LYN: variants seen among roughly 807,000 people sequenced by gnomAD.
The protein encoded by LYN is tyrosine-protein kinase Lyn.
A neutral mutation model predicts 65.0 loss-of-function variants in LYN; 12 were observed. The ratio of observed to expected loss-of-function variants is 0.18; its 90% confidence interval spans 0.12 to 0.30. The LOEUF (loss-of-function observed/expected upper bound fraction) is 0.30. LYN is among the 10% of genes least tolerant of loss of function. The pLI, the probability that LYN is intolerant of heterozygous loss-of-function variation, is 1.00. For missense variants in LYN, 380 were observed against 623.2 expected, an observed-to-expected ratio of 0.61 and a Z score of 4.16; for synonymous variants, 222 against 221.2, an observed-to-expected ratio of 1.00 and a Z score of -0.03.
chr8:55,957,887 G>T (rs910377086), intron 8 of LYN, among the ~76,000 whole-genome samples: 1 of 152,138 alleles, frequency 6.6e-6, no homozygotes, highest in Non-Finnish European at 1.5e-5. Flanking sequence ...GGCAGAGGTT[G>T]CAGTGAGCTG....
At chr8:55,933,399 C>T (rs140609013) in intron 1 of LYN, among the ~76,000 whole-genome samples, 49 of 152,308 alleles carry the variant, frequency 3.2e-4, no homozygotes, top group African/African-American at 1.0e-3. Context: ...ATATGGTATT[C>T]CAAACAGTCC....
chr8:55,879,989 T>TC lies in LYN; in HGVS notation c.-117dup. On this transcript the variant is annotated 5_prime_UTR_variant, in exon 1 of 13. Transcript: ENST00000519728. ...CAGCCCCTCGCCGCGCGTCCAGCGT[T>TC]CCCGGCCAGCAGCCTCCCCATACGC... The TC allele has an allele frequency of 3.6e-6, 1 of 280,978 alleles. No individual in the cohort carries two copies. Among genetic ancestry groups the TC allele is most frequent in the South Asian group, 2.9e-5 (1 of 33,906 alleles). 17.4% of individuals were successfully genotyped at this position (280,978 alleles called of 1,614,324 possible).
chr8:55,941,295 TC>T (rs1221885006), intron 1 of LYN, among the ~76,000 whole-genome samples: 9 of 152,162 alleles, frequency 5.9e-5, no homozygotes, highest in Non-Finnish European at 1.3e-4. Context: ...CTCCTGACCT[TC>T]CCTACCTGCT....
Position 56,009,995 on chromosome 8 carries a change from T to C in LYN, c.1424T>C (p.Ile475Thr). ...VENCPDELYDIMKMCWKEKAE... is the reference protein window; with the variant it reads ...VENCPDELYDTMKMCWKEKAE... ...AACTGCCCAGATGAGCTCTATGACA[T>C]TATGAAAATGTGCTGGAAAGAAAAG... The change falls in exon 13 of 13, where the codon ATT becomes ACT. Residue 475 changes from isoleucine to threonine, a missense_variant. This residue lies in a region of LYN where 223 missense variants were observed against 430.0 expected (regional missense o/e 0.52). Coordinates refer to ENST00000519728, the MANE Select transcript of LYN (RefSeq NM_002350.4). 6.2e-7 allele frequency: 1 copy of C among 1,613,968 alleles called. No individual in the cohort carries two copies. The highest frequency in any genetic ancestry group is 8.5e-7 in the Non-Finnish European group (1 of 1,179,938).
intron 1 of LYN, 41 bp downstream of exon 1, chr8:55,880,144 C>A (rs1418344155): frequency 8.6e-6 from 2 of 231,300 alleles, no homozygotes; most frequent in Non-Finnish European, 8.6e-6. Context: ...CGCGGGCACG[C>A]GGGCAGTGGG....
At chr8:55,980,925 T>C (rs1203582622) in intron 10 of LYN, among the ~76,000 whole-genome samples, 1 of 152,190 alleles carries the variant, frequency 6.6e-6, no homozygotes, top group Non-Finnish European at 1.5e-5. Flanking sequence ...GCCCACTCAA[T>C]GCCAGCTCCC....
chr8:55,972,260 C>T (rs1213873653), intron 10 of LYN, among the ~76,000 whole-genome samples: 1 of 152,152 alleles, frequency 6.6e-6, no homozygotes, highest in Non-Finnish European at 1.5e-5. Context: ...TACAACTAAG[C>T]ACTGGCTCCA....
At chr8:56,005,974 A>G (rs1020616998) in intron 12 of LYN, among the ~76,000 whole-genome samples, 10 of 151,884 alleles carry the variant, frequency 6.6e-5, no homozygotes, top group African/African-American at 2.4e-4. Context: ...AGTCTCAGCA[A>G]CTCAGGAGGC....
At chr8:56,008,766 G>T (rs1473308318) in intron 12 of LYN, among the ~76,000 whole-genome samples, 2 of 152,184 alleles carry the variant, frequency 1.3e-5, no homozygotes, top group Non-Finnish European at 2.9e-5. Flanking sequence ...TCAGGAATAT[G>T]CAAATCCAGA....
intron 10 of LYN, among the ~76,000 whole-genome samples, chr8:55,987,598 T>C (rs1808115043): frequency 6.6e-6 from 1 of 152,060 alleles, no homozygotes; most frequent in African/African-American, 2.4e-5. Flanking sequence ...TGTATTTTAG[T>C]GGAGACAGGG....
intron 1 of LYN, among the ~76,000 whole-genome samples, chr8:55,882,573 G>C (rs535934694): frequency 7.9e-5 from 12 of 152,220 alleles, no homozygotes; most frequent in Non-Finnish European, 1.6e-4. Flanking sequence ...GCATGGATGA[G>C]TGTTAACATT....
intron 1 of LYN, among the ~76,000 whole-genome samples, chr8:55,922,922 T>A (rs1805987878): frequency 6.6e-6 from 1 of 151,804 alleles, no homozygotes; most frequent in Non-Finnish European, 1.5e-5. Flanking sequence ...TTAGGTAGGG[T>A]TTAGTAGAGA....
intron 1 of LYN, among the ~76,000 whole-genome samples, chr8:55,882,252 G>A (rs1804672379): frequency 6.6e-6 from 1 of 152,162 alleles, no homozygotes; most frequent in African/African-American, 2.4e-5. Flanking sequence ...GTGTTACAAA[G>A]GTAGGTCGAA....
chr8:55,916,492 C>T (rs1805783462), intron 1 of LYN, among the ~76,000 whole-genome samples: 2 of 152,014 alleles, frequency 1.3e-5, no homozygotes, highest in African/African-American at 4.8e-5. Flanking sequence ...ATATGGTTCA[C>T]AAAAGCAGTG....
chr8:55,953,927 G>A lies in LYN; in HGVS notation c.733G>A (p.Glu245Lys). Residue 245 changes from glutamate to lysine, a missense_variant, in exon 8 of 13, where the codon GAG (glutamate) becomes AAG (lysine). Glu to Lys is a moderately conservative substitution (Grantham distance 56). Around this residue, in one of 2 missense-constraint regions of LYN, gnomAD observed 223 missense variants for 430.0 expected, o/e 0.52. Transcript: ENST00000519728. ...WDKDAWEIPR[E>K]SIKLVKRLGA... is the part of the protein sequence containing the mutation. ...TAAAGATGCCTGGGAGATCCCCCGG[G>A]AGTCCATCAAGTTGGTGAAAAGGCT... 1.2e-6 allele frequency: 2 copies of A among 1,614,172 alleles called. No homozygotes were observed. Among genetic ancestry groups the A allele is most frequent in the East Asian group, 2.2e-5 (1 of 44,882 alleles).
intron 12 of LYN, among the ~76,000 whole-genome samples, chr8:56,009,544 G>A (rs1808758370): frequency 6.6e-6 from 1 of 152,156 alleles, no homozygotes. Flanking sequence ...CTTGTAGATG[G>A]CTGCCTCCTC....
intron 2 of LYN, among the ~76,000 whole-genome samples, chr8:55,945,121 T>G (rs1287926264): frequency 6.6e-6 from 1 of 152,070 alleles, no homozygotes; most frequent in East Asian, 1.9e-4. Flanking sequence ...TGAGGTAGGG[T>G]TGATGCAAAT....
At position 55,966,594 on chromosome 8, in the gene LYN, C is replaced by A. The variant is rs920271118; in HGVS notation, c.791-121C>A. 5 of 742,566 alleles carry A rather than the reference C, an allele frequency of 6.7e-6. No individual in the cohort carries two copies. The African/African-American group carries it at 9.0e-5, about 13-fold the overall frequency. 46.0% of individuals were successfully genotyped at this position (742,566 alleles called of 1,614,324 possible). A position where few individuals can be genotyped will look rare whatever the true frequency, so the allele number is the denominator to read the frequency against. ...TTTTAGCCAGGCTGGTTTCGAACTC[C>A]TGACATCAGGTGACCCACTCACCTC... On this transcript the variant is annotated intron_variant, in intron 8 of 12. Transcript: ENST00000519728.
At chr8:56,007,113 C>T (rs1292086417) in intron 12 of LYN, among the ~76,000 whole-genome samples, 1 of 152,144 alleles carries the variant, frequency 6.6e-6, no homozygotes, top group Non-Finnish European at 1.5e-5. Flanking sequence ...AAAGCTTTAT[C>T]TTCCACTGTG....
Sources: allele counts gnomAD v4.1 joint callset (sites outside exome capture counted in the v4.1 genomes callset), GRCh38; gene constraint gnomAD v4.1.1; regional missense constraint gnomAD v4.1.1; transcripts MANE v1.5; gene names NCBI Gene and HGNC (gene_info 2026-07-23, HGNC 2026-07-21).